Variants in SEPTIN3 observed in about 807,000 individuals in gnomAD.
The protein encoded by SEPTIN3 is neuronal-specific septin-3.
SEPTIN3 carries 15 observed loss-of-function variants against 45.1 expected under a neutral mutation model. The observed-to-expected ratio is 0.33, with a 90% CI of 0.22 to 0.51. The LOEUF (loss-of-function observed/expected upper bound fraction) is 0.51. Ranked by LOEUF, SEPTIN3 falls within the 20% of genes least tolerant of loss-of-function variation. The probability of loss-of-function intolerance (pLI) is 0.97; values close to 1 mark genes in which losing one functional copy is unlikely to be tolerated. For synonymous variants in SEPTIN3, 148 were observed against 164.8 expected (o/e 0.90, Z 0.78); for missense variants, 289 against 457.2 (o/e 0.63, Z 3.35).
Position 41,986,103 on chromosome 22 carries a change from A to T in SEPTIN3, c.1816A>T (p.Ile606Phe). 6.2e-7 allele frequency: 1 copy of T among 1,613,004 alleles called. No homozygotes were observed. The highest frequency in any genetic ancestry group is 8.5e-7 in the Non-Finnish European group (1 of 1,179,480). Residue 606 changes from isoleucine to phenylalanine, a missense_variant, in exon 4 of 12, where the codon ATC (isoleucine) becomes TTC (phenylalanine). Around this residue, in one of 3 missense-constraint regions of SEPTIN3, gnomAD observed 200 missense variants for 315.1 expected, o/e 0.63. Transcript: ENST00000644076. ...KIPKTVEIKA[I>F]GHVIEEGGVK... The stretch of plus-strand genomic sequence containing the variant: ...CCCCAAGACAGTGGAGATCAAAGCT[A>T]TCGGGCATGGTGAGGACCAGGCAGG...
At chr22:41,977,022 G>A in intron 2 of SEPTIN3, 3 of 1,586,086 alleles carry the variant, frequency 1.9e-6, no homozygotes, top group African/African-American at 2.8e-5. Flanking sequence ...GCAGCCCCGC[G>A]CCCGGAGCAT....
intron 11 of SEPTIN3, chr22:41,996,523 C>T (rs1295683136): frequency 2.3e-5 from 23 of 1,013,012 alleles, no homozygotes; most frequent in Admixed American, 1.2e-4. Flanking sequence ...GAAAGGGGGG[C>T]GGTGATCAGG....
intron 2 of SEPTIN3, among the ~76,000 whole-genome samples, chr22:41,974,283 G>A (rs1358507911): frequency 1.3e-5 from 2 of 151,974 alleles, no homozygotes; most frequent in Non-Finnish European, 2.9e-5. Context: ...CAATAGGTGT[G>A]TCCACCTTTA....
rs981666326 is a variant in SEPTIN3, at chr22:41,994,531, C to T, written c.2412-90C>T. On this transcript the variant is annotated intron_variant, in intron 10 of 11. Transcript: ENST00000644076. The surrounding 1 kb of genome is among the most constrained non-coding windows in gnomAD (Gnocchi z 4.2). Reference sequence around the variant, plus strand: ...AGCTCCTGGGAGTGGTTCCCATTCACTGGGTCCAGTCCCTCGAAGTGATGT... The same window carrying T: ...AGCTCCTGGGAGTGGTTCCCATTCATTGGGTCCAGTCCCTCGAAGTGATGT... 42 of 1,586,836 alleles carry T rather than the reference C, an allele frequency of 2.6e-5. No homozygotes were observed. In the African/African-American group the frequency reaches 5.2e-4, roughly 20 times the overall value.
rs780086612 is a variant in SEPTIN3, at chr22:41,994,741, C to T, written c.2505+27C>T. ...TGAGCGTGGACACAGAGGAAAGCCA[C>T]GACAGTAACCCATGACGACCACTTC... On this transcript the variant is annotated intron_variant, in intron 11 of 11. Coordinates refer to ENST00000644076, the MANE Select transcript of SEPTIN3 (RefSeq NM_001363845.2). The surrounding 1 kb of genome is among the most constrained non-coding windows in gnomAD (Gnocchi z 4.2). 19 of 1,613,984 alleles carry T rather than the reference C, an allele frequency of 1.2e-5. No individual in the cohort carries two copies. Among genetic ancestry groups the T allele is most frequent in the African/African-American group, 4.0e-5 (3 of 74,900 alleles).
intron 7 of SEPTIN3, among the ~76,000 whole-genome samples, chr22:41,990,571 C>T (rs1160595096): frequency 6.8e-6 from 1 of 147,956 alleles, no homozygotes. Context: ...CGGTGAAACC[C>T]CGTCTCTACT....
At position 41,994,808 on chromosome 22, in the gene SEPTIN3, A is replaced by C; in HGVS notation, c.2505+94A>C. On this transcript the variant is annotated intron_variant, in intron 11 of 11. Transcript: ENST00000644076. The surrounding 1 kb of genome is among the most constrained non-coding windows in gnomAD (Gnocchi z 4.2). ...TACCCACTTCACACACACACATCCC[A>C]AATACCACCACCAACCACCTTCTTC... 6.2e-7 allele frequency: 1 copy of C among 1,609,014 alleles called. No individual in the cohort carries two copies. The highest frequency in any genetic ancestry group is 8.5e-7 in the Non-Finnish European group (1 of 1,178,036).
At chr22:41,977,616 G>A (rs763684199) in intron 2 of SEPTIN3, among the ~76,000 whole-genome samples, 1 of 151,956 alleles carries the variant, frequency 6.6e-6, no homozygotes, top group Non-Finnish European at 1.5e-5. Flanking sequence ...CTGGAACTGG[G>A]GTGGGCTGGA....
rs1016001817 is a variant in SEPTIN3, at chr22:41,994,061, T to C, written c.2360-229T>C. On this transcript the variant is annotated intron_variant, in intron 9 of 11. Coordinates refer to ENST00000644076, the MANE Select transcript of SEPTIN3 (RefSeq NM_001363845.2). The surrounding 1 kb of genome is among the most constrained non-coding windows in gnomAD (Gnocchi z 4.2). ...AAATTATAGTCCCTCTTGGCTATTA[T>C]GCCACAGCGTCTAGAAGGATGTCGT... is the stretch of plus-strand genomic sequence containing the variant. 6.6e-6 allele frequency among the ~76,000 whole-genome samples: 1 copy of C among 152,224 alleles called. No homozygotes were observed. The highest frequency in any genetic ancestry group is 2.4e-5 in the African/African-American group (1 of 41,466).
chr22:41,982,831 C>T (rs556100522), intron 3 of SEPTIN3, among the ~76,000 whole-genome samples: 1 of 150,870 alleles, frequency 6.6e-6, no homozygotes, highest in African/African-American at 2.5e-5. Flanking sequence ...GTGGAGGTTG[C>T]AGTGAGCTGA....
Position 41,997,662 on chromosome 22 carries a change from A to C in SEPTIN3, c.*695A>C, listed in dbSNP as rs753065235. ...AAACAAACAAAAACTAAACACACAC[A>C]CAAACCCCCAGAAACCCACAATATG... is the stretch of plus-strand genomic sequence containing the variant. On this transcript the variant is annotated 3_prime_UTR_variant, in exon 12 of 12. Coordinates refer to ENST00000644076, the MANE Select transcript of SEPTIN3 (RefSeq NM_001363845.2). 7 of 152,472 alleles carry C rather than the reference A, an allele frequency of 4.6e-5. No individual in the cohort carries two copies. Among genetic ancestry groups the C allele is most frequent in the Admixed American group, 6.6e-5 (1 of 15,262 alleles). 9.4% of individuals were successfully genotyped at this position (152,472 alleles called of 1,614,324 possible). A position where few individuals can be genotyped will look rare whatever the true frequency, so the allele number is the denominator to read the frequency against.
chr22:41,989,169 T>C lies in SEPTIN3; in HGVS notation c.2046-398T>C, dbSNP rs903240007. On this transcript the variant is annotated intron_variant, in intron 6 of 11. Transcript: ENST00000644076. ...AAAAGACACACACAGTGTTGTTTTT[T>C]TTTGGTTGTTGTTGTTTGTTTTTTG... Among the ~76,000 whole-genome samples, 4 of 151,756 alleles carry C rather than the reference T, an allele frequency of 2.6e-5. No individual in the cohort carries two copies. In the South Asian group the frequency reaches 8.3e-4, roughly 32 times the overall value.
intron 7 of SEPTIN3, among the ~76,000 whole-genome samples, chr22:41,990,038 T>C (rs1440723306): frequency 1.4e-5 from 2 of 147,218 alleles, no homozygotes; most frequent in Non-Finnish European, 3.0e-5. Flanking sequence ...TAGTCCTCAC[T>C]GGCATCTTCT....
At chr22:41,991,019 G>T (rs1268679634) in intron 7 of SEPTIN3, among the ~76,000 whole-genome samples, 1 of 152,132 alleles carries the variant, frequency 6.6e-6, no homozygotes, top group African/African-American at 2.4e-5. Context: ...AGCCAAGATC[G>T]CACCACGGTA....
Position 41,994,590 on chromosome 22 carries a change from A to G in SEPTIN3, c.2412-31A>G. ...GCCTCCTCTTCCTGCCCCTAATTGCAGCCCTCTTCTTCTCACCCTGTGTCC... is the reference window on the plus strand; with the variant it reads ...GCCTCCTCTTCCTGCCCCTAATTGCGGCCCTCTTCTTCTCACCCTGTGTCC... On this transcript the variant is annotated intron_variant, in intron 10 of 11. Transcript: ENST00000644076. This position sits in a 1 kb window ranked among gnomAD's most constrained non-coding sequence, Gnocchi z 4.2. 1 of 1,613,298 alleles carries G rather than the reference A, an allele frequency of 6.2e-7. No individual in the cohort carries two copies. The highest frequency in any genetic ancestry group is 8.5e-7 in the Non-Finnish European group (1 of 1,179,588).
chr22:41,989,789 T>C (rs372542569), intron 7 of SEPTIN3, 105 bp downstream of exon 7: 494 of 724,514 alleles, frequency 6.8e-4, no homozygotes, highest in Non-Finnish European at 9.4e-4. Flanking sequence ...ACCCCCACCC[T>C]CAACCCTCCC....
intron 2 of SEPTIN3, among the ~76,000 whole-genome samples, chr22:41,973,889 G>T (rs1306477668): frequency 6.6e-6 from 1 of 151,914 alleles, no homozygotes; most frequent in Non-Finnish European, 1.5e-5. Flanking sequence ...GCTGAGGCAC[G>T]AGAAGCACTT....
chr22:41,982,818 G>A (rs1392761317), intron 3 of SEPTIN3, among the ~76,000 whole-genome samples: 1 of 151,756 alleles, frequency 6.6e-6, no homozygotes, highest in East Asian at 1.9e-4. Flanking sequence ...TTGAACCTGG[G>A]AGGTGGAGGT....
chr22:41,979,392 C>G (rs910791985), intron 2 of SEPTIN3, among the ~76,000 whole-genome samples: 8 of 152,192 alleles, frequency 5.3e-5, no homozygotes, highest in African/African-American at 1.9e-4. Flanking sequence ...AGACCACCCC[C>G]CCAAACCATG....
Sources: allele counts gnomAD v4.1 joint callset (sites outside exome capture counted in the v4.1 genomes callset), GRCh38; gene constraint gnomAD v4.1.1; regional missense constraint gnomAD v4.1.1; non-coding constraint Gnocchi (gnomAD v3.1); transcripts MANE v1.5; gene names NCBI Gene and HGNC (gene_info 2026-07-23, HGNC 2026-07-21).